Variants in PLAUR observed in about 807,000 individuals in gnomAD.
PLAUR encodes plasminogen activator, urokinase receptor, also known as urokinase plasminogen activator surface receptor.
PLAUR carries 22 observed loss-of-function variants against 33.4 expected under a neutral mutation model. That is an observed-to-expected ratio of 0.66 (90% CI 0.47 to 0.94). The LOEUF (loss-of-function observed/expected upper bound fraction) is 0.94. PLAUR is among the 40% of genes least tolerant of loss of function. The pLI is 0.00. For missense variants in PLAUR, 408 were observed against 434.7 expected (o/e 0.94, Z 0.55); for synonymous variants, 148 against 167.3 (o/e 0.88, Z 0.89).
At chr19:43,647,417 T>C (rs1973842131), downstream of PLAUR, among the ~76,000 whole-genome samples, 1 of 152,188 alleles carries the variant, frequency 6.6e-6, no homozygotes, top group South Asian at 2.1e-4. Flanking sequence ...GGATGTCTCC[T>C]TAGAACAACA....
At chr19:43,649,513 C>G (rs1973899939) in intron 6 of PLAUR, among the ~76,000 whole-genome samples, 1 of 138,248 alleles carries the variant, frequency 7.2e-6, no homozygotes, top group African/African-American at 2.7e-5. Context: ...GCACTCCAGC[C>G]TGGGTAACAG....
At chr19:43,666,312 T>C (rs994253373) in intron 2 of PLAUR, among the ~76,000 whole-genome samples, 5 of 152,108 alleles carry the variant, frequency 3.3e-5, no homozygotes, top group African/African-American at 1.2e-4. Context: ...CAACCTTAGG[T>C]TTCTGAGATG....
chr19:43,647,991 G>T (rs1432823862), downstream of PLAUR, among the ~76,000 whole-genome samples: 1 of 150,932 alleles, frequency 6.6e-6, no homozygotes, highest in African/African-American at 2.4e-5. Context: ...TTGGAAGGGG[G>T]TGCTTATCTA....
chr19:43,667,964 T>TGAG, intron 1 of PLAUR: 1 of 1,307,240 alleles, frequency 7.6e-7, no homozygotes, highest in Non-Finnish European at 9.8e-7. Flanking sequence ...TCTGTCCTCG[T>TGAG]GAGGCGTATA....
intron 1 of PLAUR, chr19:43,668,245 A>G (rs1166812964): frequency 1.0e-6 from 1 of 987,094 alleles, no homozygotes. Flanking sequence ...GCCCGGCCCC[A>G]TCAGCCCTCC....
At chr19:43,668,387 CT>C in intron 1 of PLAUR, 1 of 827,580 alleles carries the variant, frequency 1.2e-6, no homozygotes, top group Non-Finnish European at 1.5e-6. Context: ...TCTTCCTGAC[CT>C]TATCTTCCCG....
intron 3 of PLAUR, among the ~76,000 whole-genome samples, chr19:43,657,520 T>C (rs1005353228): frequency 1.3e-5 from 2 of 152,206 alleles, no homozygotes; most frequent in African/African-American, 4.8e-5. Flanking sequence ...AGAACACCTT[T>C]CCTTTGCTCT....
chr19:43,666,771 G>A (rs930374932), intron 2 of PLAUR, among the ~76,000 whole-genome samples: 1 of 151,918 alleles, frequency 6.6e-6, no homozygotes, highest in Non-Finnish European at 1.5e-5. Flanking sequence ...GTTTCACCAT[G>A]TTGGCCAGGC....
chr19:43,660,006 C>T (rs548316892), intron 3 of PLAUR, among the ~76,000 whole-genome samples: 1 of 152,302 alleles, frequency 6.6e-6, no homozygotes, highest in East Asian at 1.9e-4. Context: ...ATCTGAGTTG[C>T]TACAATTCTG....
At chr19:43,667,978 T>C (rs4251941) in intron 1 of PLAUR, 14,337 of 1,263,144 alleles carry the variant, frequency 0.011, 104 homozygotes, top group Non-Finnish European at 0.013. Flanking sequence ...GCGTATATCC[T>C]GACAGTCGTA....
In PLAUR at chr19:43,665,320, G is replaced by A. The variant is rs1372732684; in HGVS notation, c.306C>T (p.Asn102=). Residue 102 remains asparagine, a synonymous_variant, in exon 3 of 7, where the codon AAC becomes AAT. Transcript: ENST00000340093. ...VCGLDLCNQG[N]SGRAVTYSRS... ...GGCAAGGGCTGCCCTACTCACCAGA[G>A]TTGCCCTGGTTGCACAAGTCTAACC... The A allele has an allele frequency of 5.6e-6, 9 of 1,614,012 alleles. No individual in the cohort carries two copies. The highest frequency in any genetic ancestry group is 7.6e-6 in the Non-Finnish European group (9 of 1,179,990).
intron 5 of PLAUR, among the ~76,000 whole-genome samples, chr19:43,652,824 T>C (rs1179217939): frequency 6.6e-6 from 1 of 151,996 alleles, no homozygotes; most frequent in Non-Finnish European, 1.5e-5. Context: ...CCAATTTTTC[T>C]GTTTTTTGTA....
intron 6 of PLAUR, 52 bp downstream of exon 6, chr19:43,652,173 G>C: frequency 3.8e-6 from 6 of 1,597,330 alleles, no homozygotes; most frequent in Non-Finnish European, 4.3e-6. Flanking sequence ...ATCTCTTGCG[G>C]AACTCTCCAC....
rs1188408160 is a variant in PLAUR at position 43,667,633 on chromosome 19, C to G, written c.114G>C (p.Glu38Asp). Residue 38 changes from glutamate (E) to aspartate (D), a missense_variant, in exon 2 of 7, where the codon GAG (glutamate) becomes GAC (aspartate). Physicochemically the swap from Glu to Asp is conservative, Grantham distance 45. Transcript: ENST00000340093. ...CKTNGDCRVE[E>D]CALGQDLCRT... is the part of the protein sequence containing the mutation. ...TGCAGAGGTCCTGTCCCAGGGCGCA[C>G]TCTTCCACACGGCAATCCCCGTTGG... The G allele has an allele frequency of 6.2e-6, 10 of 1,613,960 alleles. No homozygotes were observed. In the African/African-American group the frequency reaches 1.2e-4, roughly 19 times the overall value.
chr19:43,649,893 T>G (rs1227184657), intron 6 of PLAUR, among the ~76,000 whole-genome samples: 3 of 152,078 alleles, frequency 2.0e-5, no homozygotes, highest in Admixed American at 6.6e-5. Context: ...CCAGGACATG[T>G]GATATTGCAA....
chr19:43,665,257 T>C (rs1967174868), intron 3 of PLAUR, 59 bp downstream of exon 3: 2 of 1,548,208 alleles, frequency 1.3e-6, no homozygotes, highest in Non-Finnish European at 1.8e-6. Flanking sequence ...ATTGGGATGA[T>C]GATGAGGTTG....
chr19:43,648,949 G>A lies in PLAUR; in HGVS notation c.949C>T (p.Leu317Phe). The A allele has an allele frequency of 6.2e-7, 1 of 1,614,150 alleles. No individual in the cohort carries two copies. The highest frequency in any genetic ancestry group is 8.5e-7 in the Non-Finnish European group (1 of 1,179,988). ...APQPGPAHLSLTITLLMTARL... is the reference protein window; with the variant it reads ...APQPGPAHLSFTITLLMTARL... The stretch of plus-strand genomic sequence containing the variant: ...GCAGTCATTAGCAGGGTGATGGTGA[G>A]GCTGAGATGGGCAGGGCCAGGCTGA... Residue 317 changes from leucine (L) to phenylalanine (F), a missense_variant, in exon 7 of 7, where the codon CTC (leucine) becomes TTC (phenylalanine). Physicochemically the swap from Leu to Phe is conservative, Grantham distance 22. Coordinates refer to ENST00000340093, the MANE Select transcript of PLAUR (RefSeq NM_002659.4).
chr19:43,655,689 C>A, intron 4 of PLAUR, 116 bp from the exon 5 acceptor site: 6 of 897,106 alleles, frequency 6.7e-6, no homozygotes, highest in Non-Finnish European at 6.7e-6. Flanking sequence ...CATCATAAGA[C>A]CCTCATTTTA....
At chr19:43,662,327 C>T (rs938786253) in intron 3 of PLAUR, among the ~76,000 whole-genome samples, 4 of 151,982 alleles carry the variant, frequency 2.6e-5, no homozygotes, top group African/African-American at 9.7e-5. Context: ...GAAACCCCAT[C>T]TCTACTAAAA....
Sources: allele counts gnomAD v4.1 joint callset (sites outside exome capture counted in the v4.1 genomes callset), GRCh38; gene constraint gnomAD v4.1.1; transcripts MANE v1.5; gene names NCBI Gene and HGNC (gene_info 2026-07-23, HGNC 2026-07-21).